The following PEX5L variants were observed in gnomAD, a reference collection of about 807,000 sequenced individuals.
PEX5L encodes PEX5-related protein.
In PEX5L, 30 loss-of-function variants were observed where a neutral mutation model predicts 84.0. The ratio of observed to expected loss-of-function variants is 0.36; its 90% CI spans 0.27 to 0.48. The LOEUF (loss-of-function observed/expected upper bound fraction) is 0.48. Among genes scored for constraint, PEX5L ranks in the 20% least tolerant of loss-of-function variants. The pLI is 0.99. For synonymous variants in PEX5L, 270 were observed against 283.1 expected (o/e 0.95, Z 0.46); for missense variants, 533 against 754.6 (o/e 0.71, Z 3.44).
intron 2 of PEX5L, among the ~76,000 whole-genome samples, chr3:179,953,327 G>A (rs993666875): frequency 6.6e-6 from 1 of 152,128 alleles, no homozygotes; most frequent in Non-Finnish European, 1.5e-5. Context: ...CCTACAGAAT[G>A]GGAGAACATT....
chr3:180,004,501 G>A (rs1031191242), intron 1 of PEX5L, among the ~76,000 whole-genome samples: 7 of 152,164 alleles, frequency 4.6e-5, no homozygotes, highest in Non-Finnish European at 1.0e-4. Flanking sequence ...TAATATGAAT[G>A]AAATGGTTCC....
chr3:179,937,653 G>C (rs746528891), intron 2 of PEX5L, among the ~76,000 whole-genome samples: 3 of 152,182 alleles, frequency 2.0e-5, no homozygotes, highest in Non-Finnish European at 4.4e-5. Context: ...GTAGCCTCAT[G>C]AGGTAGAAGT....
At chr3:180,018,032 G>A (rs932259435) in intron 1 of PEX5L, among the ~76,000 whole-genome samples, 2 of 152,100 alleles carry the variant, frequency 1.3e-5, no homozygotes, top group Admixed American at 1.3e-4. Flanking sequence ...AGCTTTCCTG[G>A]GAGTATAGCC....
intron 2 of PEX5L, among the ~76,000 whole-genome samples, chr3:179,909,132 G>T (rs1764302508): frequency 6.6e-6 from 1 of 151,934 alleles, no homozygotes; most frequent in African/African-American, 2.4e-5. Context: ...AAGTGGCAAT[G>T]GTTCTCCTAG....
intron 1 of PEX5L, among the ~76,000 whole-genome samples, chr3:180,002,957 C>G (rs7614706): frequency 0.38 from 57,152 of 151,866 alleles, 14,032 homozygotes; most frequent in African/African-American, 0.71. Flanking sequence ...AAATTTGGAG[C>G]GTATTTTATC....
chr3:179,948,108 A>G (rs1337483572), intron 2 of PEX5L, among the ~76,000 whole-genome samples: 1 of 152,234 alleles, frequency 6.6e-6, no homozygotes, highest in Non-Finnish European at 1.5e-5. Flanking sequence ...TCTTAGTTAA[A>G]AGCATTACCA....
intron 8 of PEX5L, among the ~76,000 whole-genome samples, chr3:179,840,309 C>T (rs980083893): frequency 2.0e-5 from 3 of 151,416 alleles, no homozygotes; most frequent in Admixed American, 6.6e-5. Context: ...CCGTCTTAGC[C>T]TCCTGAGTAG....
intron 1 of PEX5L, among the ~76,000 whole-genome samples, chr3:180,011,889 G>C (rs1459041423): frequency 6.6e-6 from 1 of 152,138 alleles, no homozygotes; most frequent in Non-Finnish European, 1.5e-5. Context: ...AAGCAACCAG[G>C]CACTGAACTT....
chr3:179,811,964 C>A, intron 10 of PEX5L, 93 bp from the exon 11 acceptor site: 1 of 939,700 alleles, frequency 1.1e-6, no homozygotes, highest in South Asian at 1.3e-5. Context: ...ATCCCCTATG[C>A]AGAGCAAGCT....
At chr3:179,895,013 T>C (rs888747375) in intron 3 of PEX5L, among the ~76,000 whole-genome samples, 1 of 152,132 alleles carries the variant, frequency 6.6e-6, no homozygotes, top group African/African-American at 2.4e-5. Context: ...TCCCTTCTAT[T>C]CTCAAATTGA....
At chr3:180,008,733 A>T (rs1267416596) in intron 1 of PEX5L, among the ~76,000 whole-genome samples, 1 of 152,182 alleles carries the variant, frequency 6.6e-6, no homozygotes, top group Non-Finnish European at 1.5e-5. Flanking sequence ...AACCCATCAG[A>T]TCTCATGAGA....
intron 1 of PEX5L, among the ~76,000 whole-genome samples, chr3:179,993,168 G>A (rs1406496340): frequency 6.6e-6 from 1 of 152,082 alleles, no homozygotes; most frequent in Non-Finnish European, 1.5e-5. Context: ...CTCTTCCAGA[G>A]TTTATATAAT....
At chr3:180,024,344 CTAAATA>C (rs1246210755) in intron 1 of PEX5L, among the ~76,000 whole-genome samples, 5 of 84,258 alleles carry the variant, frequency 5.9e-5, no homozygotes, top group African/African-American at 3.7e-4. Context: ...CCCGTCCCTA[CTAAATA>C]TATATATATA....
intron 1 of PEX5L, among the ~76,000 whole-genome samples, chr3:179,996,335 A>G (rs1787888208): frequency 6.6e-6 from 1 of 152,198 alleles, no homozygotes; most frequent in Non-Finnish European, 1.5e-5. Context: ...GAGTTGGATC[A>G]GGCTGATTTT....
At chr3:179,900,235 C>T (rs1367421685) in intron 2 of PEX5L, among the ~76,000 whole-genome samples, 1 of 152,086 alleles carries the variant, frequency 6.6e-6, no homozygotes, top group East Asian at 1.9e-4. Flanking sequence ...AGAATTCTTT[C>T]CATGCTTCAG....
intron 1 of PEX5L, among the ~76,000 whole-genome samples, chr3:179,975,230 C>G (rs1785631371): frequency 6.6e-6 from 1 of 151,876 alleles, no homozygotes; most frequent in Non-Finnish European, 1.5e-5. Context: ...AATATAATGG[C>G]CACAGATATG....
intron 13 of PEX5L, 126 bp from the exon 14 acceptor site, chr3:179,807,957 G>C: frequency 1.2e-6 from 1 of 828,146 alleles, no homozygotes; most frequent in East Asian, 2.5e-5. Flanking sequence ...TGGAGACCAT[G>C]GCCAGGTGAA....
intron 8 of PEX5L, among the ~76,000 whole-genome samples, chr3:179,830,558 C>A (rs1323402605): frequency 1.3e-5 from 2 of 152,214 alleles, no homozygotes; most frequent in African/African-American, 4.8e-5. Flanking sequence ...GCTATTCGTG[C>A]CTAATGTGGA....
intron 2 of PEX5L, among the ~76,000 whole-genome samples, chr3:179,966,908 C>T (rs142207783): frequency 1.7e-4 from 26 of 152,274 alleles, no homozygotes; most frequent in African/African-American, 4.8e-4. Context: ...GCCTGGTAGA[C>T]GTTCTCCTTG....
Sources: gnomAD v4.1 joint callset for allele counts (sites outside exome capture counted in the v4.1 genomes callset) on GRCh38, gnomAD v4.1.1 for gene constraint, MANE v1.5 for transcripts, NCBI Gene and HGNC (gene_info 2026-07-23, HGNC 2026-07-21) for gene names.